Variants in SH3GLB1 observed in about 807,000 individuals in gnomAD.
SH3GLB1 encodes endophilin-B1.
SH3GLB1 carries 17 observed loss-of-function variants against 42.0 expected under a neutral mutation model. The observed-to-expected ratio is 0.40, with a 90% CI of 0.28 to 0.61. The LOEUF (loss-of-function observed/expected upper bound fraction) is 0.61, where lower values mean the gene tolerates loss of function less well. Among genes scored for constraint, SH3GLB1 ranks in the 20% least tolerant of loss-of-function variants. The pLI, the probability that SH3GLB1 is intolerant of heterozygous loss-of-function variation, is 0.36. For synonymous variants in SH3GLB1, 132 were observed against 146.6 expected, an observed-to-expected ratio of 0.90 and a Z score of 0.72; for missense variants, 355 against 426.3, an observed-to-expected ratio of 0.83 and a Z score of 1.47.
intron 5 of SH3GLB1, chr1:86,730,209 G>C: frequency 1.3e-6 from 2 of 1,504,326 alleles, no homozygotes; most frequent in East Asian, 5.0e-5. Flanking sequence ...TCCAGTCACA[G>C]TCTGTGTTAG....
At chr1:86,735,298 C>CT (rs577654109) in intron 7 of SH3GLB1, 119 bp downstream of exon 7, 117 of 600,678 alleles carry the variant, frequency 1.9e-4, no homozygotes, top group Middle Eastern at 3.2e-4. Context: ...GAAATAGTTT[C>CT]TTTTTTTTAA....
At chr1:86,720,984 A>G (rs1157299281) in intron 3 of SH3GLB1, among the ~76,000 whole-genome samples, 2 of 152,190 alleles carry the variant, frequency 1.3e-5, no homozygotes, top group Non-Finnish European at 2.9e-5. Context: ...TTTATTGCCT[A>G]CTTGTGCCAA....
At chr1:86,730,588 C>A (rs930265435) in intron 5 of SH3GLB1, among the ~76,000 whole-genome samples, 1 of 152,122 alleles carries the variant, frequency 6.6e-6, no homozygotes, top group Admixed American at 6.5e-5. Context: ...CAACCTCCAC[C>A]TTCTGGGTTC....
chr1:86,715,296 GAA>G (rs927547637), intron 1 of SH3GLB1, among the ~76,000 whole-genome samples: 5 of 152,070 alleles, frequency 3.3e-5, no homozygotes, highest in African/African-American at 1.2e-4. Flanking sequence ...GGGTACTAAA[GAA>G]AAAATATTCA....
chr1:86,719,482 T>C (rs751351951), intron 2 of SH3GLB1, 25 bp from the exon 3 acceptor site: 9 of 1,586,666 alleles, frequency 5.7e-6, no homozygotes, highest in South Asian at 4.6e-5. Context: ...TTAGAAATCA[T>C]TGGTAATTTT....
intron 5 of SH3GLB1, among the ~76,000 whole-genome samples, chr1:86,729,500 C>T (rs1024389430): frequency 2.0e-5 from 3 of 152,072 alleles, no homozygotes; most frequent in Non-Finnish European, 4.4e-5. Flanking sequence ...GAGGATATTT[C>T]AGTCATTGCT....
intron 2 of SH3GLB1, among the ~76,000 whole-genome samples, chr1:86,716,264 T>C (rs1355050357): frequency 6.7e-6 from 1 of 149,630 alleles, no homozygotes; most frequent in East Asian, 1.9e-4. Flanking sequence ...GTTTTTTTGT[T>C]TGTTTGTTTG....
intron 1 of SH3GLB1, among the ~76,000 whole-genome samples, chr1:86,709,485 CAG>C (rs1219010817): frequency 6.6e-6 from 1 of 152,182 alleles, no homozygotes; most frequent in African/African-American, 2.4e-5. Context: ...TTCCTGCCCT[CAG>C]AGACTTCATA....
chr1:86,737,048 G>T (rs893695266), intron 7 of SH3GLB1, among the ~76,000 whole-genome samples: 1 of 152,178 alleles, frequency 6.6e-6, no homozygotes, highest in Non-Finnish European at 1.5e-5. Context: ...GTGCATAGGT[G>T]CTCTTCCAGA....
At chr1:86,705,506 G>A (rs138559281) in intron 1 of SH3GLB1, among the ~76,000 whole-genome samples, 2 of 152,298 alleles carry the variant, frequency 1.3e-5, no homozygotes, top group East Asian at 3.9e-4. Flanking sequence ...GGCAGCCCGC[G>A]GGGGAAATGG....
intron 5 of SH3GLB1, among the ~76,000 whole-genome samples, chr1:86,727,094 T>C (rs993388282): frequency 6.6e-6 from 1 of 151,998 alleles, no homozygotes; most frequent in Admixed American, 6.6e-5. Context: ...AATGCTAATT[T>C]TGTGCAAGGT....
rs777578092 is a variant in SH3GLB1, at chr1:86,748,112, G to A, written c.*4877G>A. 7.9e-5 allele frequency: 12 copies of A among 151,824 alleles called. No homozygotes were observed. The highest frequency in any genetic ancestry group is 1.5e-4 in the Non-Finnish European group (10 of 67,990). 9.4% of individuals were successfully genotyped at this position (151,824 alleles called of 1,614,324 possible). A position where few individuals can be genotyped will look rare whatever the true frequency, so the allele number is the denominator to read the frequency against. On this transcript the variant is annotated 3_prime_UTR_variant, in exon 9 of 9. Coordinates refer to ENST00000370558, the MANE Select transcript of SH3GLB1 (RefSeq NM_016009.5). ...ATGGCTGCATGATATTCCATCATAT[G>A]TGCCACATTTTATTAAACTACTGTT...
chr1:86,722,726 T>A, intron 4 of SH3GLB1, 53 bp downstream of exon 4: 1 of 1,439,116 alleles, frequency 6.9e-7, no homozygotes, highest in South Asian at 1.4e-5. Flanking sequence ...ATATATATAC[T>A]TTTTAATGAA....
intron 1 of SH3GLB1, among the ~76,000 whole-genome samples, chr1:86,712,334 T>C (rs1223972644): frequency 1.3e-5 from 2 of 152,052 alleles, no homozygotes; most frequent in East Asian, 1.9e-4. Context: ...CAGAATATGA[T>C]TGGATAATAG....
At chr1:86,710,288 G>A (rs1401655439) in intron 1 of SH3GLB1, among the ~76,000 whole-genome samples, 4 of 147,418 alleles carry the variant, frequency 2.7e-5, no homozygotes, top group South Asian at 4.2e-4. Flanking sequence ...TTTTTGAGAC[G>A]GAGTCTCGCC....
At chr1:86,729,011 T>C (rs936505970) in intron 5 of SH3GLB1, among the ~76,000 whole-genome samples, 3 of 152,136 alleles carry the variant, frequency 2.0e-5, no homozygotes, top group African/African-American at 7.2e-5. Flanking sequence ...AAGAAAGTTT[T>C]GGTGGAATGG....
intron 1 of SH3GLB1, among the ~76,000 whole-genome samples, chr1:86,714,243 T>C (rs945190694): frequency 1.3e-5 from 2 of 152,222 alleles, no homozygotes; most frequent in African/African-American, 4.8e-5. Flanking sequence ...GGAGGTCTGT[T>C]GCTTAGAATC....
intron 3 of SH3GLB1, among the ~76,000 whole-genome samples, chr1:86,719,871 C>T (rs1175960229): frequency 1.3e-5 from 2 of 151,458 alleles, no homozygotes; most frequent in Non-Finnish European, 2.9e-5. Context: ...TGGCAGACAC[C>T]TGTAGTCCCA....
chr1:86,722,243 G>T (rs566182346), intron 3 of SH3GLB1, among the ~76,000 whole-genome samples: 2 of 151,292 alleles, frequency 1.3e-5, no homozygotes, highest in Non-Finnish European at 2.9e-5. Flanking sequence ...ACAGAGGGCC[G>T]ACTGTGACCG....
Sources: allele counts gnomAD v4.1 joint callset (sites outside exome capture counted in the v4.1 genomes callset), GRCh38; gene constraint gnomAD v4.1.1; transcripts MANE v1.5; gene names NCBI Gene and HGNC (gene_info 2026-07-23, HGNC 2026-07-21).